ZNF704: variants seen among roughly 807,000 people sequenced by gnomAD.
ZNF704 encodes the protein zinc finger protein 704.
ZNF704 carries 10 observed loss-of-function variants against 44.7 expected under a neutral mutation model. That is an observed-to-expected ratio of 0.22 (90% CI 0.14 to 0.38). ZNF704 has a LOEUF of 0.38. Among genes scored for constraint, ZNF704 ranks in the 10% least tolerant of loss-of-function variants. The pLI, the probability that ZNF704 is intolerant of heterozygous loss-of-function variation, is 1.00. For synonymous variants in ZNF704, 211 were observed against 207.6 expected (o/e 1.02, Z -0.14); for missense variants, 390 against 545.5 (o/e 0.71, Z 2.84).
At chr8:80,765,568 C>T (rs1242061113) in intron 2 of ZNF704, among the ~76,000 whole-genome samples, 1 of 152,150 alleles carries the variant, frequency 6.6e-6, no homozygotes, top group East Asian at 1.9e-4. Context: ...ATGTAACTAT[C>T]CTGCATATAG....
At chr8:80,831,269 C>T (rs553627196) in intron 1 of ZNF704, among the ~76,000 whole-genome samples, 6 of 152,160 alleles carry the variant, frequency 3.9e-5, no homozygotes, top group Non-Finnish European at 7.3e-5. Context: ...AAGCCACATC[C>T]CGAGGCTTCC....
chr8:80,864,388 G>A (rs1039869048), intron 1 of ZNF704, among the ~76,000 whole-genome samples: 1 of 151,646 alleles, frequency 6.6e-6, no homozygotes, highest in African/African-American at 2.4e-5. Flanking sequence ...CAACAAATAT[G>A]TAAATATCAC....
chr8:80,794,446 A>G (rs1807764864), intron 2 of ZNF704, among the ~76,000 whole-genome samples: 1 of 152,206 alleles, frequency 6.6e-6, no homozygotes, highest in Non-Finnish European at 1.5e-5. Flanking sequence ...CAACATTTCA[A>G]AAATCTTTCC....
chr8:80,725,824 G>A (rs990451111), intron 2 of ZNF704, among the ~76,000 whole-genome samples: 1 of 152,156 alleles, frequency 6.6e-6, no homozygotes, highest in Non-Finnish European at 1.5e-5. Flanking sequence ...TAAATGGAGA[G>A]AGATGTATTT....
chr8:80,878,828 G>C (rs192720966), upstream of ZNF704, among the ~76,000 whole-genome samples: 1 of 152,018 alleles, frequency 6.6e-6, no homozygotes, highest in African/African-American at 2.4e-5. Flanking sequence ...CAAAGACTTA[G>C]GTTTTTTTTT....
intron 2 of ZNF704, among the ~76,000 whole-genome samples, chr8:80,767,907 T>C (rs1432129185): frequency 1.3e-5 from 2 of 152,208 alleles, no homozygotes; most frequent in Non-Finnish European, 2.9e-5. Context: ...GGCCTACTAA[T>C]CGCCTTGAGT....
At chr8:80,692,914 A>G (rs1818663519) in intron 3 of ZNF704, 90 bp downstream of exon 3, 2 of 1,183,086 alleles carry the variant, frequency 1.7e-6, no homozygotes, top group Non-Finnish European at 2.5e-6. Flanking sequence ...TCAGTGGTTC[A>G]TAGCGCTTGA....
rs1334475198 is a variant in ZNF704 at position 80,645,258 on chromosome 8, T to A, written c.1033-2129A>T. ...CAACTAATTAATCAGTATTGCCATA[T>A]GTAGGAGGATAGACATTTAATAAAT... On this transcript the variant is annotated intron_variant, in intron 7 of 8. Coordinates refer to ENST00000327835, the MANE Select transcript of ZNF704 (RefSeq NM_001033723.3). 6.1e-5 allele frequency: 79 copies of A among 1,285,922 alleles called. No homozygotes were observed. In the East Asian group the frequency reaches 2.0e-3, roughly 32 times the overall value. 79.7% of individuals were successfully genotyped at this position (1,285,922 alleles called of 1,614,324 possible). A position where few individuals can be genotyped will look rare whatever the true frequency, so the allele number is the denominator to read the frequency against.
intron 2 of ZNF704, among the ~76,000 whole-genome samples, chr8:80,698,407 AAAAGG>A (rs1364433012): frequency 6.6e-6 from 1 of 152,094 alleles, no homozygotes; most frequent in Non-Finnish European, 1.5e-5. Context: ...GCTTCCTTTA[AAAAGG>A]AAAGGGAAGA....
intron 2 of ZNF704, among the ~76,000 whole-genome samples, chr8:80,765,679 G>GTTAGGGATTTTACAGT (rs1169738870): frequency 2.1e-4 from 32 of 152,260 alleles, no homozygotes; most frequent in African/African-American, 7.5e-4. Context: ...ATTTTTAGAT[G>GTTAGGGATTTTACAGT]TTAGGGATTT....
chr8:80,682,363 T>C (rs1481569572), intron 4 of ZNF704, among the ~76,000 whole-genome samples: 1 of 152,228 alleles, frequency 6.6e-6, no homozygotes, highest in African/African-American at 2.4e-5. Flanking sequence ...TTCTTCCTAG[T>C]ACACAGGTAC....
Position 80,693,215 on chromosome 8 carries a change from A to G in ZNF704, c.222-108T>C, listed in dbSNP as rs1818669419. On this transcript the variant is annotated intron_variant, in intron 2 of 8. Transcript: ENST00000327835. ...TTACTCCATTAACTTATCCCCATGA[A>G]CAACCGATGTTCTGTTAGCTTTATT... The G allele has an allele frequency of 1.1e-5, 10 of 875,526 alleles. No individual in the cohort carries two copies. In the South Asian group the frequency reaches 1.3e-4, roughly 12 times the overall value. The allele number at this position is 875,526 out of a possible 1,614,324, so 54.2% of individuals were successfully genotyped here.
At chr8:80,875,438 G>A (rs1048273647), upstream of ZNF704, among the ~76,000 whole-genome samples, 1 of 152,066 alleles carries the variant, frequency 6.6e-6, no homozygotes, top group Non-Finnish European at 1.5e-5. Context: ...CTGAGTACCT[G>A]GGATTAAAGG....
In ZNF704 at chr8:80,874,657, A is replaced by T; in HGVS notation, c.-108T>A. On this transcript the variant is annotated 5_prime_UTR_variant, in exon 1 of 9. Transcript: ENST00000327835. The surrounding 1 kb of genome is among the most constrained non-coding windows in gnomAD (Gnocchi z 4.4). ...AACCGCAGCCCATTCTTCCCTCCGG[A>T]GGGAGGGGAGTAGACTTCGCTGGAA... The T allele has an allele frequency of 6.6e-6, 1 of 151,696 alleles. No individual in the cohort carries two copies. The highest frequency in any genetic ancestry group is 1.9e-4 in the East Asian group (1 of 5,152). The allele number at this position is 151,696 out of a possible 1,614,324, so 9.4% of individuals were successfully genotyped here.
intron 1 of ZNF704, among the ~76,000 whole-genome samples, chr8:80,841,361 T>TAC (rs1451909210): frequency 1.3e-5 from 2 of 152,218 alleles, no homozygotes; most frequent in African/African-American, 2.4e-5. Context: ...TGAGCCAAGC[T>TAC]ACAGTATCTG....
At chr8:80,830,844 G>A (rs1012843150) in intron 1 of ZNF704, among the ~76,000 whole-genome samples, 2 of 140,348 alleles carry the variant, frequency 1.4e-5, no homozygotes, top group African/African-American at 5.4e-5. Flanking sequence ...TGCACCCTCT[G>A]CCTCCCAGGT....
intron 2 of ZNF704, among the ~76,000 whole-genome samples, chr8:80,786,105 C>T (rs916963385): frequency 1.3e-5 from 2 of 152,008 alleles, no homozygotes; most frequent in African/African-American, 2.4e-5. Context: ...ATAAAAAAAC[C>T]CACAAACATT....
chr8:80,722,395 C>T (rs1171779701), intron 2 of ZNF704, among the ~76,000 whole-genome samples: 1 of 152,222 alleles, frequency 6.6e-6, no homozygotes, highest in African/African-American at 2.4e-5. Flanking sequence ...ATTTACCTCA[C>T]AGGGCTGTCA....
chr8:80,878,240 A>T (rs1315617075), upstream of ZNF704, among the ~76,000 whole-genome samples: 1 of 145,426 alleles, frequency 6.9e-6, no homozygotes, highest in African/African-American at 2.6e-5. Context: ...ATGTATCAGA[A>T]AGAAAGAGAA....
Sources: allele counts gnomAD v4.1 joint callset (sites outside exome capture counted in the v4.1 genomes callset), GRCh38; gene constraint gnomAD v4.1.1; non-coding constraint Gnocchi (gnomAD v3.1); transcripts MANE v1.5; gene names NCBI Gene and HGNC (gene_info 2026-07-23, HGNC 2026-07-21).